The following BTBD10 variants were observed in gnomAD, a reference collection of about 807,000 sequenced individuals.
BTBD10 encodes the protein BTB domain containing 10.
A neutral mutation model predicts 53.2 loss-of-function variants in BTBD10; 21 were observed. The observed-to-expected ratio is 0.39, with a 90% CI of 0.28 to 0.57. The LOEUF is 0.57. Ranked by LOEUF, BTBD10 falls within the 20% of genes least tolerant of loss-of-function variation. The pLI is 0.53. For synonymous variants in BTBD10, 149 were observed against 192.7 expected, an observed-to-expected ratio of 0.77 and a Z score of 1.88; for missense variants, 360 against 594.7, an observed-to-expected ratio of 0.61 and a Z score of 4.10.
intron 1 of BTBD10, among the ~76,000 whole-genome samples, chr11:13,453,139 C>G (rs1445021877): frequency 1.3e-5 from 2 of 151,900 alleles, no homozygotes; most frequent in African/African-American, 4.8e-5. Flanking sequence ...AAACTCTGCA[C>G]AATATATCAT....
At chr11:13,394,508 T>C (rs59628110) in intron 8 of BTBD10, among the ~76,000 whole-genome samples, 5,183 of 152,302 alleles carry the variant, frequency 0.034, 289 homozygotes, top group African/African-American at 0.12. Context: ...ACCTCTTTGC[T>C]TCTTCATAAA....
At chr11:13,426,547 T>C (rs902119790) in intron 2 of BTBD10, among the ~76,000 whole-genome samples, 25 of 152,122 alleles carry the variant, frequency 1.6e-4, no homozygotes, top group African/African-American at 5.5e-4. Context: ...TTATAACATA[T>C]ACATATAACT....
At chr11:13,400,375 C>T (rs561850147) in intron 8 of BTBD10, among the ~76,000 whole-genome samples, 2 of 152,302 alleles carry the variant, frequency 1.3e-5, no homozygotes, top group East Asian at 1.9e-4. Flanking sequence ...CCTGGTGTGC[C>T]GTTTGTGAAG....
At chr11:13,409,001 C>T (rs1165013712) in intron 6 of BTBD10, among the ~76,000 whole-genome samples, 4 of 152,216 alleles carry the variant, frequency 2.6e-5, no homozygotes, top group African/African-American at 7.2e-5. Context: ...GACAGCCTTA[C>T]AGATCATATC....
At chr11:13,458,610 T>G (rs1245454064) in intron 1 of BTBD10, among the ~76,000 whole-genome samples, 1 of 152,216 alleles carries the variant, frequency 6.6e-6, no homozygotes, top group Admixed American at 6.5e-5. Context: ...TAGTTTTCTC[T>G]TCCAAAAATT....
At chr11:13,452,327 A>C (rs1360717530) in intron 1 of BTBD10, among the ~76,000 whole-genome samples, 1 of 152,220 alleles carries the variant, frequency 6.6e-6, no homozygotes. Context: ...ACACAGGGAC[A>C]GCACAAAGTA....
chr11:13,439,981 T>C, intron 2 of BTBD10: 2 of 1,534,906 alleles, frequency 1.3e-6, no homozygotes, highest in Non-Finnish European at 1.7e-6. Context: ...AATGAAGCAC[T>C]GAAAGCCAGG....
At chr11:13,418,577 T>C (rs1435051328) in intron 4 of BTBD10, among the ~76,000 whole-genome samples, 1 of 152,146 alleles carries the variant, frequency 6.6e-6, no homozygotes, top group African/African-American at 2.4e-5. Context: ...TTTTTTTTCA[T>C]GATATAAAGC....
At chr11:13,442,108 T>C (rs2134025470) in intron 2 of BTBD10, among the ~76,000 whole-genome samples, 1 of 152,222 alleles carries the variant, frequency 6.6e-6, no homozygotes, top group East Asian at 1.9e-4. Context: ...CCACTAAACA[T>C]GCACCCGCCA....
intron 8 of BTBD10, among the ~76,000 whole-genome samples, chr11:13,394,438 G>A (rs1207462765): frequency 1.3e-5 from 2 of 152,156 alleles, no homozygotes; most frequent in Non-Finnish European, 2.9e-5. Flanking sequence ...ATGATTGTAA[G>A]TTTCCTGAGG....
At chr11:13,427,978 G>GT (rs144918926) in intron 2 of BTBD10, among the ~76,000 whole-genome samples, 16,026 of 152,024 alleles carry the variant, frequency 0.11, 944 homozygotes, top group Middle Eastern at 0.15. Context: ...GTATGACATT[G>GT]TAACAGTACT....
At chr11:13,413,771 T>C (rs1489792398) in intron 5 of BTBD10, 121 bp from the exon 6 acceptor site, 1 of 954,210 alleles carries the variant, frequency 1.0e-6, no homozygotes, top group Admixed American at 3.2e-5. Flanking sequence ...ATCTCTGAAA[T>C]GTGGAAGTTT....
chr11:13,456,403 T>C (rs1343520405), intron 1 of BTBD10, among the ~76,000 whole-genome samples: 1 of 152,140 alleles, frequency 6.6e-6, no homozygotes, highest in Non-Finnish European at 1.5e-5. Flanking sequence ...ACTGAATTCG[T>C]ACCTCATACC....
Position 13,405,817 on chromosome 11 carries a change from C to A in BTBD10, c.848G>T (p.Arg283Ile). The change falls in exon 7 of 9, where the codon AGA becomes ATA. Residue 283 changes from arginine (R) to isoleucine (I), a missense_variant. By Grantham distance (97) the Arg-to-Ile change is moderately conservative. Transcript: ENST00000278174. Reference sequence around the variant, plus strand: ...TTCTTCCAGATAAAATTCAAATTGTCTACGAGCACCATCATTTGATAACTC... The same window carrying A: ...TTCTTCCAGATAAAATTCAAATTGTATACGAGCACCATCATTTGATAACTC... ...MHELSNDGARRQFEFYLEEMI... is the reference protein window; with the variant it reads ...MHELSNDGARIQFEFYLEEMI... 1 of 1,613,600 alleles carries A rather than the reference C, an allele frequency of 6.2e-7. No homozygotes were observed. The highest frequency in any genetic ancestry group is 1.7e-5 in the Admixed American group (1 of 60,000).
At chr11:13,436,602 C>A (rs932309884) in intron 2 of BTBD10, among the ~76,000 whole-genome samples, 1 of 152,194 alleles carries the variant, frequency 6.6e-6, no homozygotes, top group Non-Finnish European at 1.5e-5. Context: ...TGCCTGAAAT[C>A]ATATAGTTAA....
chr11:13,421,532 G>T, intron 3 of BTBD10, 110 bp downstream of exon 3: 1 of 879,482 alleles, frequency 1.1e-6, no homozygotes, highest in Non-Finnish European at 1.6e-6. Context: ...CTGAATAGAA[G>T]CAGCTAATTT....
chr11:13,428,273 T>C (rs1209151033), intron 2 of BTBD10, among the ~76,000 whole-genome samples: 1 of 152,146 alleles, frequency 6.6e-6, no homozygotes, highest in Non-Finnish European at 1.5e-5. Context: ...CTCTGTTTAC[T>C]GAAGAAATTT....
intron 1 of BTBD10, among the ~76,000 whole-genome samples, chr11:13,445,551 A>G (rs1950736768): frequency 6.6e-6 from 1 of 152,314 alleles, no homozygotes; most frequent in East Asian, 1.9e-4. Context: ...CACTTGGAAC[A>G]TATTTCCTAA....
chr11:13,428,796 T>C (rs1249918903), intron 2 of BTBD10, among the ~76,000 whole-genome samples: 1 of 152,120 alleles, frequency 6.6e-6, no homozygotes, highest in Non-Finnish European at 1.5e-5. Flanking sequence ...CAGTGCAATA[T>C]GGCAAGAAAA....
Sources: allele counts gnomAD v4.1 joint callset (sites outside exome capture counted in the v4.1 genomes callset), GRCh38; gene constraint gnomAD v4.1.1; transcripts MANE v1.5; gene names NCBI Gene and HGNC (gene_info 2026-07-23, HGNC 2026-07-21).